Variants in TMEM108 observed in about 807,000 individuals in gnomAD.
The protein encoded by TMEM108 is transmembrane protein 108.
In TMEM108, 12 loss-of-function variants were observed where a neutral mutation model predicts 35.1. That is an observed-to-expected ratio of 0.34 (90% confidence interval 0.22 to 0.55). The LOEUF (loss-of-function observed/expected upper bound fraction) is 0.55. Among genes scored for constraint, TMEM108 ranks in the 20% least tolerant of loss-of-function variants. The pLI is 0.89. For missense variants in TMEM108, 680 were observed against 753.3 expected (o/e 0.90, Z 1.14); for synonymous variants, 287 against 308.6 (o/e 0.93, Z 0.73).
intron 2 of TMEM108, among the ~76,000 whole-genome samples, chr3:133,170,287 G>A (rs9817924): frequency 0.18 from 27,790 of 152,044 alleles, 2,630 homozygotes; most frequent in Middle Eastern, 0.27. Context: ...GGACTAAGTT[G>A]TATGAAACAG....
chr3:133,115,493 A>G (rs1944277597), intron 2 of TMEM108, among the ~76,000 whole-genome samples: 1 of 152,226 alleles, frequency 6.6e-6, no homozygotes, highest in African/African-American at 2.4e-5. Context: ...GACTCCTTTC[A>G]TAAAGCCAGT....
intron 3 of TMEM108, among the ~76,000 whole-genome samples, chr3:133,231,813 AC>A (rs1946157718): frequency 6.6e-6 from 1 of 152,146 alleles, no homozygotes; most frequent in Non-Finnish European, 1.5e-5. Context: ...TAGAAGCTAT[AC>A]CCTCCTTTGT....
intron 2 of TMEM108, among the ~76,000 whole-genome samples, chr3:133,123,024 A>G (rs1944373191): frequency 6.6e-6 from 1 of 152,200 alleles, no homozygotes; most frequent in African/African-American, 2.4e-5. Context: ...CTATTTGTAT[A>G]CAAGCACACA....
chr3:133,387,005 C>A (rs9821742), intron 4 of TMEM108: 201,639 of 984,552 alleles, frequency 0.2, 21,854 homozygotes, highest in Non-Finnish European at 0.22. Flanking sequence ...TAGTAGAGAC[C>A]CTGTAAGTCT....
At position 133,240,482 on chromosome 3, in the gene TMEM108, A is replaced by G. The variant is rs1946297362; in HGVS notation, c.40+11131A>G. ...TATTTTAAAGAAATTCAATTTTATGAATTTAAGTACATTCCATTACACTGT... is the reference window on the plus strand; with the variant it reads ...TATTTTAAAGAAATTCAATTTTATGGATTTAAGTACATTCCATTACACTGT... On this transcript the variant is annotated intron_variant, in intron 3 of 5. Transcript: ENST00000321871. Among the ~76,000 whole-genome samples, 9 of 152,224 alleles carry G rather than the reference A, an allele frequency of 5.9e-5. 1 individual carries two copies. Among genetic ancestry groups the G allele is most frequent in the Admixed American group, 5.9e-4 (9 of 15,288 alleles).
At chr3:133,134,331 G>A (rs1413452072) in intron 2 of TMEM108, among the ~76,000 whole-genome samples, 1 of 151,880 alleles carries the variant, frequency 6.6e-6, no homozygotes, top group African/African-American at 2.4e-5. Context: ...AGTTAATTAT[G>A]CTATTTAAAT....
chr3:133,382,401 T>A (rs2073036740), intron 4 of TMEM108, among the ~76,000 whole-genome samples: 1 of 152,244 alleles, frequency 6.6e-6, no homozygotes, highest in Non-Finnish European at 1.5e-5. Flanking sequence ...GGCAGCCTTC[T>A]CTTCATCCAA....
chr3:133,231,910 A>C (rs1334411757), intron 3 of TMEM108, among the ~76,000 whole-genome samples: 1 of 152,160 alleles, frequency 6.6e-6, no homozygotes, highest in Admixed American at 6.6e-5. Flanking sequence ...ATGAAGAAGC[A>C]TTACAGATGG....
intron 1 of TMEM108, 93 bp downstream of exon 1, chr3:133,038,528 G>A (rs576013709): frequency 1.3e-5 from 2 of 152,522 alleles, no homozygotes; most frequent in South Asian, 2.1e-4. Flanking sequence ...GGGGAGGTGT[G>A]GGGTCAGCTT....
At chr3:133,114,168 C>CCACCACT (rs1944259093) in intron 2 of TMEM108, among the ~76,000 whole-genome samples, 1 of 152,096 alleles carries the variant, frequency 6.6e-6, no homozygotes, top group African/African-American at 2.4e-5. Flanking sequence ...AAGAGATGAG[C>CCACCACT]CACTATTAGA....
At chr3:133,176,755 A>C (rs2107797118) in intron 2 of TMEM108, among the ~76,000 whole-genome samples, 1 of 152,348 alleles carries the variant, frequency 6.6e-6, no homozygotes, top group Middle Eastern at 3.4e-3. Context: ...AATTAAAAGA[A>C]CTAGAGAAGC....
rs758398895 is a variant in TMEM108, at chr3:133,380,350, G to A, written c.639G>A (p.Leu213=). 3.1e-6 allele frequency: 5 copies of A among 1,614,064 alleles called. No individual in the cohort carries two copies. In the South Asian group the frequency reaches 4.4e-5, roughly 14 times the overall value. Residue 213 remains leucine (L), a synonymous_variant, in exon 4 of 6, where the codon CTG becomes CTA. Coordinates refer to ENST00000321871, the MANE Select transcript of TMEM108 (RefSeq NM_023943.4). This position sits in a 1 kb window ranked among gnomAD's most constrained non-coding sequence, Gnocchi z 5.3. The part of the protein sequence containing the change: ...SSTPLGQKRP[L]GKIFQIYKGN... Reference sequence around the variant, plus strand: ...CACCTCTGGGGCAGAAGCGGCCCCTGGGGAAAATCTTTCAGATCTACAAGG... The same window carrying A: ...CACCTCTGGGGCAGAAGCGGCCCCTAGGGAAAATCTTTCAGATCTACAAGG...
chr3:133,285,840 G>A (rs1281941592), intron 3 of TMEM108, among the ~76,000 whole-genome samples: 1 of 152,056 alleles, frequency 6.6e-6, no homozygotes, highest in African/African-American at 2.4e-5. Flanking sequence ...GTTCGTTCTG[G>A]CCCTTGGATA....
intron 2 of TMEM108, among the ~76,000 whole-genome samples, chr3:133,073,037 T>C (rs1011289130): frequency 6.6e-6 from 1 of 152,178 alleles, no homozygotes; most frequent in Non-Finnish European, 1.5e-5. Context: ...TATATATTAT[T>C]TTATAAAATA....
chr3:133,279,653 A>G (rs1332516677), intron 3 of TMEM108, among the ~76,000 whole-genome samples: 3 of 152,240 alleles, frequency 2.0e-5, no homozygotes, highest in African/African-American at 7.2e-5. Flanking sequence ...GTGCCTGGAC[A>G]TGGTAGATGG....
In TMEM108 at chr3:133,386,529, A is replaced by T. The variant is rs114098779; in HGVS notation, c.1451-3651A>T. Reference sequence around the variant, plus strand: ...CTCTTCTTCCTGTCACACATCTGACAAGCCATGGATGACTCCCCAGTGACA... The same window carrying T: ...CTCTTCTTCCTGTCACACATCTGACTAGCCATGGATGACTCCCCAGTGACA... On this transcript the variant is annotated intron_variant, in intron 4 of 5. Transcript: ENST00000321871. The T allele has an allele frequency of 7.1e-4, 1,087 of 1,532,152 alleles. 5 individuals carry two copies. The African/African-American group carries it at 0.013, about 18-fold the overall frequency. The allele number at this position is 1,532,152 out of a possible 1,614,324, so 94.9% of individuals were successfully genotyped here.
chr3:133,158,164 T>G (rs1006412817), intron 2 of TMEM108, among the ~76,000 whole-genome samples: 1 of 152,130 alleles, frequency 6.6e-6, no homozygotes, highest in African/African-American at 2.4e-5. Flanking sequence ...TGGTGTCTCA[T>G]GTATCTTAGA....
chr3:133,360,689 A>T (rs192552540), intron 3 of TMEM108, among the ~76,000 whole-genome samples: 10 of 152,318 alleles, frequency 6.6e-5, no homozygotes, highest in Non-Finnish European at 1.2e-4. Flanking sequence ...GTCTCTGATG[A>T]TAGTCCCTCT....
chr3:133,083,180 A>ACCCCCCCC (rs1188984370), intron 2 of TMEM108, among the ~76,000 whole-genome samples: 1 of 109,424 alleles, frequency 9.1e-6, no homozygotes, highest in Non-Finnish European at 1.8e-5. Flanking sequence ...GCCCCCCCCC[A>ACCCCCCCC]CCCCCCGCCG....
Sources: gnomAD v4.1 joint callset for allele counts (sites outside exome capture counted in the v4.1 genomes callset) on GRCh38, gnomAD v4.1.1 for gene constraint, Gnocchi (gnomAD v3.1) non-coding constraint, MANE v1.5 for transcripts, NCBI Gene and HGNC (gene_info 2026-07-23, HGNC 2026-07-21) for gene names.